The following TAFA4 variants were observed in gnomAD, a reference collection of about 807,000 sequenced individuals.
TAFA4 encodes chemokine-like protein TAFA-4.
Under a neutral mutation model 21.1 loss-of-function variants are expected in TAFA4, and 20 were observed. The observed-to-expected ratio is 0.95, with a 90% CI of 0.67 to 1.38. TAFA4 has a LOEUF of 1.38. Among genes scored for constraint, TAFA4 ranks in the 40% most tolerant of loss-of-function variants. The pLI, the probability that TAFA4 is intolerant of heterozygous loss-of-function variation, is 0.00. For missense variants in TAFA4, 211 were observed against 180.9 expected, an observed-to-expected ratio of 1.17 and a Z score of -0.95; for synonymous variants, 71 against 67.4, an observed-to-expected ratio of 1.05 and a Z score of -0.26.
intron 3 of TAFA4, among the ~76,000 whole-genome samples, chr3:68,775,440 G>A (rs1434823276): frequency 6.6e-6 from 1 of 152,166 alleles, no homozygotes; most frequent in African/African-American, 2.4e-5. Context: ...CTGCCATGGA[G>A]AGAGTATGAG....
In TAFA4 at chr3:68,732,521, G is replaced by GA. The variant is rs1055551416; in HGVS notation, c.*620dup. The GA allele has an allele frequency of 1.3e-5, 2 of 151,446 alleles. No homozygotes were observed. The highest frequency in any genetic ancestry group is 3.0e-5 in the Non-Finnish European group (2 of 67,766). 9.4% of individuals were successfully genotyped at this position (151,446 alleles called of 1,614,324 possible). On this transcript the variant is annotated 3_prime_UTR_variant, in exon 6 of 6. Transcript: ENST00000295569. ...GCTCTCATTTTATCTCTGCTAACTG[G>GA]AAAATGGAAAGCAAAAAAAAAATAG...
At chr3:68,776,134 G>C (rs1330574440) in intron 3 of TAFA4, among the ~76,000 whole-genome samples, 2 of 151,814 alleles carry the variant, frequency 1.3e-5, no homozygotes, top group African/African-American at 4.8e-5. Flanking sequence ...GCAGCAAGCA[G>C]AAAACAAAAA....
At chr3:68,773,563 T>C (rs1702997045) in intron 3 of TAFA4, among the ~76,000 whole-genome samples, 1 of 152,152 alleles carries the variant, frequency 6.6e-6, no homozygotes, top group African/African-American at 2.4e-5. Flanking sequence ...CCTCTAATCC[T>C]GTGCTTGGTC....
intron 3 of TAFA4, among the ~76,000 whole-genome samples, chr3:68,865,241 C>T (rs1262312346): frequency 6.6e-6 from 1 of 152,014 alleles, no homozygotes; most frequent in Non-Finnish European, 1.5e-5. Flanking sequence ...AGATTATCAC[C>T]AGTAATATCC....
intron 2 of TAFA4, chr3:68,882,821 C>T (rs1351312591): frequency 6.6e-6 from 1 of 152,210 alleles, no homozygotes; most frequent in Non-Finnish European, 1.5e-5. Flanking sequence ...CTGTCCTCTT[C>T]ATGTGTGTAC....
chr3:68,741,411 G>A (rs894569687), intron 4 of TAFA4, among the ~76,000 whole-genome samples: 2 of 151,960 alleles, frequency 1.3e-5, no homozygotes, highest in African/African-American at 4.8e-5. Flanking sequence ...TTAATTTCTT[G>A]GATTGTTCAT....
At chr3:68,875,913 GT>G (rs1229113747) in intron 3 of TAFA4, among the ~76,000 whole-genome samples, 1 of 145,000 alleles carries the variant, frequency 6.9e-6, no homozygotes, top group East Asian at 2.0e-4. Context: ...GTAGTCATTT[GT>G]TTTAAAAAAA....
intron 4 of TAFA4, among the ~76,000 whole-genome samples, chr3:68,739,433 C>T (rs1308699345): frequency 6.6e-6 from 1 of 152,172 alleles, no homozygotes; most frequent in Non-Finnish European, 1.5e-5. Context: ...AATGCTTATA[C>T]ACTGTTGCTG....
chr3:68,754,288 CT>C (rs1184026459), intron 3 of TAFA4, among the ~76,000 whole-genome samples: 13 of 152,344 alleles, frequency 8.5e-5, no homozygotes, highest in Admixed American at 5.2e-4. Flanking sequence ...TATTTTCCCC[CT>C]GATCAGAATC....
chr3:68,771,070 G>C (rs1284577276), intron 3 of TAFA4, among the ~76,000 whole-genome samples: 1 of 151,982 alleles, frequency 6.6e-6, no homozygotes, highest in African/African-American at 2.4e-5. Flanking sequence ...CCAGCCCCTG[G>C]GTGGCCTGTG....
chr3:68,928,840 C>T (rs1054927813), intron 1 of TAFA4, among the ~76,000 whole-genome samples: 5 of 152,080 alleles, frequency 3.3e-5, no homozygotes. Flanking sequence ...GGATTCTAAT[C>T]CCAGGTTTTT....
rs1702166078 is a variant in TAFA4, at chr3:68,732,452, A to G, written c.*690T>C. 1 of 152,574 alleles carries G rather than the reference A, an allele frequency of 6.6e-6. No individual in the cohort carries two copies. Among genetic ancestry groups the G allele is most frequent in the African/African-American group, 2.4e-5 (1 of 41,444 alleles). 9.5% of individuals were successfully genotyped at this position (152,574 alleles called of 1,614,324 possible). Reference sequence around the variant, plus strand: ...TTGGTTATAAAATATTGGAATTGATATGCTTCCTTAGCACTCAGTAAAATG... The same window carrying G: ...TTGGTTATAAAATATTGGAATTGATGTGCTTCCTTAGCACTCAGTAAAATG... On this transcript the variant is annotated 3_prime_UTR_variant, in exon 6 of 6. Transcript: ENST00000295569.
chr3:68,841,840 T>G (rs1190925033), intron 3 of TAFA4, among the ~76,000 whole-genome samples: 3 of 152,168 alleles, frequency 2.0e-5, no homozygotes, highest in Non-Finnish European at 4.4e-5. Context: ...AATGATGGTT[T>G]CCAGCTTCAT....
At position 68,808,887 on chromosome 3, in the gene TAFA4, T is replaced by G. The variant is rs561949601; in HGVS notation, c.131-55869A>C. On this transcript the variant is annotated intron_variant, in intron 3 of 5. Coordinates refer to ENST00000295569, the MANE Select transcript of TAFA4 (RefSeq NM_182522.5). ...TGTCATCCTCATTCTAGTACACAAATCAAGGGAGTAGGCTTTACCTGGAAC... is the reference window on the plus strand; with the variant it reads ...TGTCATCCTCATTCTAGTACACAAAGCAAGGGAGTAGGCTTTACCTGGAAC... 8.5e-5 allele frequency among the ~76,000 whole-genome samples: 13 copies of G among 152,218 alleles called. No individual in the cohort carries two copies. In the South Asian group the frequency reaches 1.9e-3, roughly 22 times the overall value.
intron 1 of TAFA4, among the ~76,000 whole-genome samples, chr3:68,925,720 A>C (rs577108256): frequency 5.3e-5 from 8 of 152,348 alleles, no homozygotes; most frequent in African/African-American, 1.9e-4. Context: ...AGAATGACAT[A>C]TAGCTCTCTT....
At chr3:68,848,935 T>TA (rs34625267) in intron 3 of TAFA4, among the ~76,000 whole-genome samples, 257 of 149,400 alleles carry the variant, frequency 1.7e-3, no homozygotes, top group East Asian at 9.5e-3. Flanking sequence ...ATGCTAACTT[T>TA]AAAAAAAAAA....
At chr3:68,800,012 C>T (rs960575498) in intron 3 of TAFA4, among the ~76,000 whole-genome samples, 2 of 151,966 alleles carry the variant, frequency 1.3e-5, no homozygotes, top group South Asian at 2.1e-4. Context: ...GAATCTAATG[C>T]CTAATGATTT....
intron 5 of TAFA4, among the ~76,000 whole-genome samples, chr3:68,737,892 G>A (rs1345726374): frequency 6.6e-6 from 1 of 152,166 alleles, no homozygotes; most frequent in Non-Finnish European, 1.5e-5. Flanking sequence ...ATTCCAGTAT[G>A]TCCAGCTCTA....
At chr3:68,863,694 C>G (rs1382556544) in intron 3 of TAFA4, among the ~76,000 whole-genome samples, 1 of 152,146 alleles carries the variant, frequency 6.6e-6, no homozygotes, top group South Asian at 2.1e-4. Context: ...CAGAGCTGCA[C>G]AGATGTGATC....
Sources: gnomAD v4.1 joint callset for allele counts (sites outside exome capture counted in the v4.1 genomes callset) on GRCh38, gnomAD v4.1.1 for gene constraint, MANE v1.5 for transcripts, NCBI Gene and HGNC (gene_info 2026-07-23, HGNC 2026-07-21) for gene names.